NTRK2: variants seen among roughly 807,000 people sequenced by gnomAD.
NTRK2 encodes neurotrophic receptor tyrosine kinase 2, also known as BDNF/NT-3 growth factors receptor.
NTRK2 carries 13 observed loss-of-function variants against 94.5 expected under a neutral mutation model. The observed-to-expected ratio is 0.14, with a 90% CI of 0.09 to 0.22. NTRK2 has a LOEUF of 0.22. Among genes scored for constraint, NTRK2 ranks in the 10% least tolerant of loss-of-function variants. The pLI, the probability that NTRK2 is intolerant of heterozygous loss-of-function variation, is 1.00. For missense variants in NTRK2, 639 were observed against 1,071.2 expected (o/e 0.60, Z 5.63); for synonymous variants, 372 against 407.4 (o/e 0.91, Z 1.05).
At chr9:84,789,995 A>G (rs2068560746) in intron 12 of NTRK2, among the ~76,000 whole-genome samples, 1 of 152,188 alleles carries the variant, frequency 6.6e-6, no homozygotes, top group African/African-American at 2.4e-5. Flanking sequence ...TGTTCCACTT[A>G]TTCTCCTGTC....
rs957713208 is a variant in NTRK2, at chr9:85,021,295, G to A, written c.2375G>A (p.Arg792His). The A allele has an allele frequency of 8.1e-6, 13 of 1,613,936 alleles. No homozygotes were observed. The highest frequency in any genetic ancestry group is 2.2e-5 in the East Asian group (1 of 44,860). Residue 792 changes from arginine (R) to histidine (H), a missense_variant, in exon 19 of 19, where the codon CGC becomes CAC. Physicochemically the swap from Arg to His is conservative, Grantham distance 29. Around this residue, in one of 5 missense-constraint regions of NTRK2, gnomAD observed 77 missense variants for 203.6 expected, o/e 0.38. Transcript: ENST00000277120. ...ITQGRVLQRP[R>H]TCPQEVYELM... ...CAGGGCCGAGTCCTGCAGCGACCCC[G>A]CACGTGCCCCCAGGAGGTGTATGAG...
At position 84,969,330 on chromosome 9, in the gene NTRK2, C is replaced by A. The variant is rs532202025; in HGVS notation, c.2172+13813C>A. On this transcript the variant is annotated intron_variant, in intron 17 of 18. Coordinates refer to ENST00000277120, the MANE Select transcript of NTRK2 (RefSeq NM_006180.6). ...TCTGAGTCATATGTATTTGCCTGAG[C>A]ATGAAACACTTGTGTTAAAGGAAAA... is the stretch of plus-strand genomic sequence containing the variant. Among the ~76,000 whole-genome samples, 20 of 152,350 alleles carry A rather than the reference C, an allele frequency of 1.3e-4. No homozygotes were observed. In the South Asian group the frequency reaches 2.7e-3, roughly 21 times the overall value.
intron 2 of NTRK2, among the ~76,000 whole-genome samples, chr9:84,674,541 C>T (rs1297739157): frequency 6.6e-6 from 1 of 152,148 alleles, no homozygotes; most frequent in South Asian, 2.1e-4. Flanking sequence ...CTGATGTTTA[C>T]TTCTCAGCCC....
chr9:84,808,526 G>A (rs1189743077), intron 12 of NTRK2, among the ~76,000 whole-genome samples: 1 of 152,186 alleles, frequency 6.6e-6, no homozygotes, highest in Non-Finnish European at 1.5e-5. Context: ...GAAAGAATTT[G>A]AGCTCCACCC....
Position 85,023,520 on chromosome 9 carries a change from C to T in NTRK2, c.*2083C>T, listed in dbSNP as rs199935917. 4 of 232,464 alleles carry T rather than the reference C, an allele frequency of 1.7e-5. No homozygotes were observed. The highest frequency in any genetic ancestry group is 2.5e-5 in the Non-Finnish European group (3 of 117,670). 14.4% of individuals were successfully genotyped at this position (232,464 alleles called of 1,614,324 possible). A position where few individuals can be genotyped will look rare whatever the true frequency, so the allele number is the denominator to read the frequency against. ...GAGGGAGTTGACAAGATAAACCTTA[C>T]GTCCATTCAAGTTATATGCTGGCCT... On this transcript the variant is annotated 3_prime_UTR_variant, in exon 19 of 19. Coordinates refer to ENST00000277120, the MANE Select transcript of NTRK2 (RefSeq NM_006180.6).
chr9:84,969,342 G>A (rs1447485469), intron 17 of NTRK2, among the ~76,000 whole-genome samples: 1 of 152,230 alleles, frequency 6.6e-6, no homozygotes, highest in Non-Finnish European at 1.5e-5. Context: ...TGAAACACTT[G>A]TGTTAAAGGA....
chr9:84,874,284 G>C (rs988269905), intron 14 of NTRK2: 1 of 1,065,336 alleles, frequency 9.4e-7, no homozygotes, highest in African/African-American at 1.6e-5. Flanking sequence ...TGCTCCCTCT[G>C]GTTAAGTAGA....
intron 6 of NTRK2, among the ~76,000 whole-genome samples, chr9:84,713,531 C>T (rs1043732451): frequency 2.0e-5 from 3 of 151,892 alleles, no homozygotes; most frequent in African/African-American, 7.3e-5. Flanking sequence ...TTGTGTCTTA[C>T]TGTGTTCTTT....
intron 14 of NTRK2, among the ~76,000 whole-genome samples, chr9:84,924,336 A>G (rs2077684438): frequency 6.6e-6 from 1 of 152,224 alleles, no homozygotes; most frequent in South Asian, 2.1e-4. Flanking sequence ...TGGGAGGTAC[A>G]AGGGTTGAAA....
chr9:84,867,405 CCAA>C lies in NTRK2; in HGVS notation c.1610_1612del (p.Asn537del), dbSNP rs2075642665. On this transcript the variant is annotated inframe_deletion, in exon 14 of 19. Transcript: ENST00000277120. ...GAAAATCCCCAGTACTTTGGCATCA[CCAA>C]CAGTCAGCTCAAGCCAGACACATGT... 1 of 1,613,848 alleles carries C rather than the reference CCAA, an allele frequency of 6.2e-7. No individual in the cohort carries two copies. Among genetic ancestry groups the C allele is most frequent in the African/African-American group, 1.3e-5 (1 of 74,904 alleles).
chr9:84,708,823 G>C (rs2061261491), intron 5 of NTRK2, among the ~76,000 whole-genome samples: 1 of 152,160 alleles, frequency 6.6e-6, no homozygotes, highest in Non-Finnish European at 1.5e-5. Context: ...TGAAAGTCTT[G>C]GCAATTGAGA....
At chr9:84,713,724 C>T (rs78196138) in intron 6 of NTRK2, among the ~76,000 whole-genome samples, 3,695 of 152,106 alleles carry the variant, frequency 0.024, 66 homozygotes, top group Non-Finnish European at 0.036. Flanking sequence ...GCACCATATT[C>T]TTTTTGTATT....
At position 84,745,041 on chromosome 9, in the gene NTRK2, G is replaced by A. The variant is rs137873897; in HGVS notation, c.1264G>A (p.Val422Ile). The A allele has an allele frequency of 8.1e-6, 13 of 1,613,386 alleles. 1 individual carries two copies. Among genetic ancestry groups the A allele is most frequent in the Admixed American group, 5.0e-5 (3 of 59,938 alleles). ...AAGTAATGAAATCCCTTCCACAGAC[G>A]TCACTGATAAAACCGGTCGGGAACA... ...NRSNEIPSTD[V>I]TDKTGREHLS... The change falls in exon 11 of 19, where the codon GTC becomes ATC. Residue 422 changes from valine (V) to isoleucine (I), a missense_variant. Transcript: ENST00000277120.
At chr9:84,724,523 T>C (rs908858716) in intron 8 of NTRK2, among the ~76,000 whole-genome samples, 167 bp downstream of exon 8, 2 of 152,232 alleles carry the variant, frequency 1.3e-5, no homozygotes. Flanking sequence ...ACTGTTCAAT[T>C]TCTGCTTAAT....
At chr9:84,937,268 AC>A in intron 15 of NTRK2, among the ~76,000 whole-genome samples, 1 of 152,288 alleles carries the variant, frequency 6.6e-6, no homozygotes, top group African/African-American at 2.4e-5. Flanking sequence ...CATTGGAGAC[AC>A]CCAGGGATGT....
intron 15 of NTRK2, among the ~76,000 whole-genome samples, chr9:84,944,215 T>TCACACACACA (rs56021326): frequency 0.011 from 1,320 of 120,294 alleles, 31 homozygotes; most frequent in East Asian, 0.031. Flanking sequence ...TCTCTCTCTC[T>TCACACACACA]CACACACACA....
intron 12 of NTRK2, among the ~76,000 whole-genome samples, chr9:84,755,823 A>G (rs999396529): frequency 6.6e-5 from 10 of 152,000 alleles, no homozygotes; most frequent in Non-Finnish European, 1.5e-4. Context: ...CCTAGAATTT[A>G]TGTTTTATTC....
At chr9:84,901,779 C>G (rs1313431023) in intron 14 of NTRK2, among the ~76,000 whole-genome samples, 1 of 152,152 alleles carries the variant, frequency 6.6e-6, no homozygotes, top group Non-Finnish European at 1.5e-5. Context: ...GGCTTCTTCT[C>G]CATGTATGTC....
intron 17 of NTRK2, among the ~76,000 whole-genome samples, chr9:84,958,883 T>C (rs1255929066): frequency 1.3e-5 from 2 of 152,182 alleles, no homozygotes; most frequent in Admixed American, 6.5e-5. Context: ...GCCCATTCTG[T>C]TGAGTTTGTC....
Sources: allele counts gnomAD v4.1 joint callset (sites outside exome capture counted in the v4.1 genomes callset), GRCh38; gene constraint gnomAD v4.1.1; regional missense constraint gnomAD v4.1.1; transcripts MANE v1.5; gene names NCBI Gene and HGNC (gene_info 2026-07-23, HGNC 2026-07-21).